Variants in RIMS1 observed in about 807,000 individuals in gnomAD.
RIMS1 encodes regulating synaptic membrane exocytosis protein 1.
RIMS1 carries 83 observed loss-of-function variants against 214.1 expected under a neutral mutation model. The observed-to-expected ratio is 0.39, with a 90% CI of 0.32 to 0.47. RIMS1 has a LOEUF of 0.47. Among genes scored for constraint, RIMS1 ranks in the 20% least tolerant of loss-of-function variants. The pLI is 0.99. For missense variants in RIMS1, 2,050 were observed against 2,161.8 expected (o/e 0.95, Z 1.03); for synonymous variants, 793 against 786.8 (o/e 1.01, Z -0.13).
At position 72,155,291 on chromosome 6, in the gene RIMS1, G is replaced by A. The variant is rs533930538; in HGVS notation, c.472-24284G>A. On this transcript the variant is annotated intron_variant, in intron 4 of 33. Transcript: ENST00000521978. ...TATGCTCTGCTTCCCTTATAAAATC[G>A]AACGTCTTTAACAGCACCCAAGTTA... Among the ~76,000 whole-genome samples the A allele has an allele frequency of 6.3e-4, 88 of 139,646 alleles. 15 individuals carry two copies. In the South Asian group the frequency reaches 0.012, roughly 19 times the overall value. The allele number at this position is 139,646 out of a possible 152,430, so 91.6% of individuals were successfully genotyped here.
At position 72,258,157 on chromosome 6, in the gene RIMS1, T is replaced by C. The variant is rs370152913; in HGVS notation, c.2803T>C (p.Ser935Pro). The change falls in exon 17 of 34, where the codon TCT becomes CCT. Residue 935 changes from serine (S) to proline (P), a missense_variant. By Grantham distance (74) the Ser-to-Pro change is moderately conservative. Transcript: ENST00000521978. ...TAGGTCTAGTGCTAGAGAAAGTAAA[T>C]CTACAACATTAACTGTGCCAGAACA... Reference protein sequence around the residue: ...GYRSSARESKSTTLTVPEQQR... With the variant: ...GYRSSARESKPTTLTVPEQQR... 1.1e-4 allele frequency: 182 copies of C among 1,613,080 alleles called. No homozygotes were observed. Among genetic ancestry groups the C allele is most frequent in the Admixed American group, 5.0e-4 (30 of 59,882 alleles).
At chr6:71,955,228 A>G (rs1220537624) in intron 1 of RIMS1, among the ~76,000 whole-genome samples, 1 of 151,790 alleles carries the variant, frequency 6.6e-6, no homozygotes, top group Non-Finnish European at 1.5e-5. Context: ...GTGCGGTGGC[A>G]TGATCTCAGC....
intron 4 of RIMS1, among the ~76,000 whole-genome samples, chr6:72,139,809 T>A (rs2041864248): frequency 6.6e-6 from 1 of 152,178 alleles, no homozygotes; most frequent in South Asian, 2.1e-4. Context: ...CAAATGCAAA[T>A]CAATCTCTCA....
At chr6:72,106,831 G>A (rs1203322643) in intron 4 of RIMS1, among the ~76,000 whole-genome samples, 1 of 152,078 alleles carries the variant, frequency 6.6e-6, no homozygotes, top group Non-Finnish European at 1.5e-5. Context: ...TGCTTAAATT[G>A]TTATTAGATA....
chr6:72,100,725 C>A (rs2033350657), intron 4 of RIMS1, among the ~76,000 whole-genome samples: 2 of 140,020 alleles, frequency 1.4e-5, no homozygotes, highest in Admixed American at 7.2e-5. Context: ...CCTCGCAGCT[C>A]ATTAATCTAC....
At chr6:71,908,931 TTAATC>T (rs1202528522) in intron 1 of RIMS1, among the ~76,000 whole-genome samples, 1 of 152,186 alleles carries the variant, frequency 6.6e-6, no homozygotes, top group African/African-American at 2.4e-5. Flanking sequence ...CAACAATAAT[TTAATC>T]TAAACTTTCT....
chr6:72,110,498 CTGTT>C (rs2035829422), intron 4 of RIMS1, among the ~76,000 whole-genome samples: 1 of 149,392 alleles, frequency 6.7e-6, no homozygotes, highest in Admixed American at 6.7e-5. Flanking sequence ...ATTTGGCTCT[CTGTT>C]TGTCTGTTAT....
At chr6:71,961,316 T>C (rs1439514851) in intron 1 of RIMS1, among the ~76,000 whole-genome samples, 1 of 152,110 alleles carries the variant, frequency 6.6e-6, no homozygotes, top group African/African-American at 2.4e-5. Flanking sequence ...TCAGCAACTT[T>C]GTTTCGTCAC....
chr6:72,151,216 G>C (rs1316900519), intron 4 of RIMS1, among the ~76,000 whole-genome samples: 1 of 151,868 alleles, frequency 6.6e-6, no homozygotes, highest in Admixed American at 6.6e-5. Flanking sequence ...CTAATTTTTT[G>C]TATTTTTAGT....
At chr6:71,962,792 A>T (rs1793330326) in intron 1 of RIMS1, among the ~76,000 whole-genome samples, 1 of 152,124 alleles carries the variant, frequency 6.6e-6, no homozygotes. Context: ...TATCAATTGC[A>T]TTCTACTTGT....
chr6:72,260,612 T>G, intron 18 of RIMS1, 93 bp from the exon 19 acceptor site: 1 of 1,516,474 alleles, frequency 6.6e-7, no homozygotes, highest in Non-Finnish European at 9.0e-7. Flanking sequence ...CAATCTGGTT[T>G]CTTCCCTTTT....
chr6:71,955,927 G>A (rs1209270382), intron 1 of RIMS1, among the ~76,000 whole-genome samples: 1 of 152,024 alleles, frequency 6.6e-6, no homozygotes, highest in Non-Finnish European at 1.5e-5. Flanking sequence ...ACAGTGTCAC[G>A]TTTACTGTTT....
In RIMS1 at chr6:72,283,932, C is replaced by A. The variant is rs2091349087; in HGVS notation, c.3483-115C>A. ...TTTAGTTTTGAAAAGTACTGACTGA[C>A]AAAATCATTTAGGTAATATAGTTGC... is the stretch of plus-strand genomic sequence containing the variant. On this transcript the variant is annotated intron_variant, in intron 23 of 33. Coordinates refer to ENST00000521978, the MANE Select transcript of RIMS1 (RefSeq NM_014989.7). 4 of 736,036 alleles carry A rather than the reference C, an allele frequency of 5.4e-6. 1 individual carries two copies. Among genetic ancestry groups the A allele is most frequent in the Non-Finnish European group, 9.2e-6 (4 of 433,472 alleles). The allele number at this position is 736,036 out of a possible 1,614,324, so 45.6% of individuals were successfully genotyped here. A position where few individuals can be genotyped will look rare whatever the true frequency, so the allele number is the denominator to read the frequency against.
At chr6:72,344,938 T>A (rs2154361406) in intron 29 of RIMS1, among the ~76,000 whole-genome samples, 1 of 151,924 alleles carries the variant, frequency 6.6e-6, no homozygotes, top group East Asian at 1.9e-4. Context: ...TTATAATTAA[T>A]TTGTATTTCA....
intron 6 of RIMS1, among the ~76,000 whole-genome samples, chr6:72,228,962 C>G (rs1051114232): frequency 1.3e-5 from 2 of 151,704 alleles, no homozygotes; most frequent in African/African-American, 4.8e-5. Flanking sequence ...ACTGAAATTT[C>G]TAACATGCAT....
chr6:72,263,103 T>C, intron 19 of RIMS1: 1 of 978,730 alleles, frequency 1.0e-6, no homozygotes, highest in Non-Finnish European at 1.2e-6. Flanking sequence ...ACTTGTCCTA[T>C]GAGATGTTTC....
rs1007187143 is a variant in RIMS1 at position 72,017,012 on chromosome 6, G to A, written c.245+47949G>A. On this transcript the variant is annotated intron_variant, in intron 2 of 33. Transcript: ENST00000521978. ...ACTAAAATATTTCATATTATTAGCTGAGTTCAGTCCATTAAATCTTTAAAA... is the reference window on the plus strand; with the variant it reads ...ACTAAAATATTTCATATTATTAGCTAAGTTCAGTCCATTAAATCTTTAAAA... 2.8e-4 allele frequency among the ~76,000 whole-genome samples: 42 copies of A among 152,148 alleles called. 1 individual carries two copies. Among genetic ancestry groups the A allele is most frequent in the African/African-American group, 1.0e-3 (42 of 41,410 alleles).
chr6:72,242,450 A>G lies in RIMS1; in HGVS notation c.2081+13A>G, dbSNP rs1468447133. ...CAAGGCCTATTGGGTAAGGCTAAAA[A>G]AACTTACTTCTTAAGTTTAGTAAAT... On this transcript the variant is annotated intron_variant, in intron 10 of 33. Coordinates refer to ENST00000521978, the MANE Select transcript of RIMS1 (RefSeq NM_014989.7). 6.5e-7 allele frequency: 1 copy of G among 1,528,832 alleles called. No individual in the cohort carries two copies. Among genetic ancestry groups the G allele is most frequent in the South Asian group, 1.3e-5 (1 of 78,990 alleles). 94.7% of individuals were successfully genotyped at this position (1,528,832 alleles called of 1,614,324 possible).
rs530833997 is a variant in RIMS1 at position 72,143,353 on chromosome 6, T to C, written c.472-36222T>C. On this transcript the variant is annotated intron_variant, in intron 4 of 33. Coordinates refer to ENST00000521978, the MANE Select transcript of RIMS1 (RefSeq NM_014989.7). ...AAAATAGGATATTGTTTAAGTGCCA[T>C]GGTTTTGGAGAAAAGACAGTCAGCT... is the stretch of plus-strand genomic sequence containing the variant. Among the ~76,000 whole-genome samples, 8 of 152,318 alleles carry C rather than the reference T, an allele frequency of 5.3e-5. No homozygotes were observed. The South Asian group carries it at 1.2e-3, about 24-fold the overall frequency.
Sources: allele counts gnomAD v4.1 joint callset (sites outside exome capture counted in the v4.1 genomes callset), GRCh38; gene constraint gnomAD v4.1.1; transcripts MANE v1.5; gene names NCBI Gene and HGNC (gene_info 2026-07-23, HGNC 2026-07-21).